The following ULK4 variants were observed in gnomAD, a reference collection of about 807,000 sequenced individuals.
ULK4 encodes unc-51 like kinase 4.
In ULK4, 133 loss-of-function variants were observed where a neutral mutation model predicts 160.6. The observed-to-expected ratio is 0.83, with a 90% CI of 0.72 to 0.96. ULK4 has a LOEUF of 0.96. ULK4 is among the 40% of genes least tolerant of loss of function. ULK4 has a pLI of 0.00. For synonymous variants in ULK4, 534 were observed against 539.8 expected (o/e 0.99, Z 0.15); for missense variants, 1,580 against 1,499.5 (o/e 1.05, Z -0.89).
At chr3:41,529,246 C>T (rs1035397798) in intron 32 of ULK4, among the ~76,000 whole-genome samples, 20 of 152,222 alleles carry the variant, frequency 1.3e-4, no homozygotes, top group African/African-American at 4.3e-4. Flanking sequence ...TTCCATGATT[C>T]ATTAAAACGA....
chr3:41,834,383 T>G (rs1284848896), intron 18 of ULK4, among the ~76,000 whole-genome samples: 1 of 152,140 alleles, frequency 6.6e-6, no homozygotes, highest in Non-Finnish European at 1.5e-5. Flanking sequence ...TTCAGTACAA[T>G]TCCAAATGTG....
intron 35 of ULK4, among the ~76,000 whole-genome samples, chr3:41,379,101 T>C (rs7613734): frequency 0.015 from 2,247 of 151,994 alleles, 49 homozygotes; most frequent in African/African-American, 0.051. Context: ...AAACACCTAA[T>C]GTAGATGACG....
chr3:41,774,832 A>C (rs569511593), intron 21 of ULK4, among the ~76,000 whole-genome samples: 2 of 150,690 alleles, frequency 1.3e-5, no homozygotes, highest in South Asian at 2.1e-4. Flanking sequence ...CCAAATGTCC[A>C]ACAATGATAG....
At position 41,548,388 on chromosome 3, in the gene ULK4, C is replaced by T. The variant is rs112654625; in HGVS notation, c.3226+17637G>A. On this transcript the variant is annotated intron_variant, in intron 32 of 36. Coordinates refer to ENST00000301831, the MANE Select transcript of ULK4 (RefSeq NM_017886.4). ...GGGGCCTGGTGACTGGCCCACTCCA[C>T]CTATCACCCTGAGCAAGCACATACA... is the stretch of plus-strand genomic sequence containing the variant. Among the ~76,000 whole-genome samples, 1,485 of 152,086 alleles carry T rather than the reference C, an allele frequency of 9.8e-3. 31 individuals carry two copies. Among genetic ancestry groups the T allele is most frequent in the African/African-American group, 0.033 (1,373 of 41,458 alleles).
chr3:41,820,797 AAAAG>A (rs1017071880), intron 18 of ULK4, among the ~76,000 whole-genome samples: 21 of 152,210 alleles, frequency 1.4e-4, no homozygotes, highest in Non-Finnish European at 2.6e-4. Context: ...AAATTTTAAA[AAAAG>A]AATTAGTACA....
intron 35 of ULK4, among the ~76,000 whole-genome samples, chr3:41,367,154 C>T (rs2081269486): frequency 6.6e-6 from 1 of 152,092 alleles, no homozygotes; most frequent in Non-Finnish European, 1.5e-5. Context: ...TTTTGGCTAC[C>T]GACTTCCTCA....
At chr3:41,780,153 A>C (rs1009584476) in intron 21 of ULK4, among the ~76,000 whole-genome samples, 1 of 151,540 alleles carries the variant, frequency 6.6e-6, no homozygotes, top group African/African-American at 2.4e-5. Flanking sequence ...CTCTACCGAA[A>C]ATACAAAAAA....
chr3:41,615,771 C>A, intron 30 of ULK4, 54 bp from the exon 31 acceptor site: 1 of 1,516,906 alleles, frequency 6.6e-7, no homozygotes, highest in Non-Finnish European at 9.1e-7. Flanking sequence ...CATATTTGCA[C>A]TGATGGCCTG....
chr3:41,364,189 T>C (rs2081205550), intron 35 of ULK4, among the ~76,000 whole-genome samples: 1 of 152,222 alleles, frequency 6.6e-6, no homozygotes, highest in African/African-American at 2.4e-5. Context: ...CTTCCTATCT[T>C]GGCCTCCCAA....
intron 29 of ULK4, among the ~76,000 whole-genome samples, chr3:41,675,312 G>A (rs1221862784): frequency 2.0e-5 from 3 of 152,036 alleles, no homozygotes; most frequent in Admixed American, 6.6e-5. Flanking sequence ...GGGTTAGGCT[G>A]GGAGTGGTGG....
chr3:41,256,150 T>G (rs1174255070), intron 35 of ULK4, among the ~76,000 whole-genome samples: 3 of 152,204 alleles, frequency 2.0e-5, no homozygotes, highest in Non-Finnish European at 4.4e-5. Flanking sequence ...GAAATTCCTA[T>G]CAAAATCTCA....
intron 3 of ULK4, among the ~76,000 whole-genome samples, chr3:41,936,579 T>C (rs924922766): frequency 6.6e-6 from 1 of 152,228 alleles, no homozygotes; most frequent in Non-Finnish European, 1.5e-5. Context: ...TGGAGTACTA[T>C]TCAGCCATAA....
intron 2 of ULK4, among the ~76,000 whole-genome samples, chr3:41,947,426 T>C (rs932117796): frequency 6.6e-6 from 1 of 152,122 alleles, no homozygotes; most frequent in Admixed American, 6.6e-5. Flanking sequence ...AAATGCTATA[T>C]GGAGAAGAGG....
At position 41,923,901 on chromosome 3, in the gene ULK4, C is replaced by T. The variant is rs537274777; in HGVS notation, c.542-4083G>A. 3.9e-5 allele frequency among the ~76,000 whole-genome samples: 6 copies of T among 152,294 alleles called. No homozygotes were observed. In the East Asian group the frequency reaches 9.6e-4, roughly 24 times the overall value. ...ATAACCCCCATTAATCCCTCTTACA[C>T]TAGGCCACATTATTGATTTATATAA... On this transcript the variant is annotated intron_variant, in intron 5 of 36. Transcript: ENST00000301831.
At chr3:41,816,127 CATATT>C (rs1007351883) in intron 19 of ULK4, among the ~76,000 whole-genome samples, 4 of 151,782 alleles carry the variant, frequency 2.6e-5, no homozygotes, top group African/African-American at 9.7e-5. Flanking sequence ...CTTATATATA[CATATT>C]ATATATTATA....
At chr3:41,333,321 G>A (rs2080485724) in intron 35 of ULK4, among the ~76,000 whole-genome samples, 1 of 152,196 alleles carries the variant, frequency 6.6e-6, no homozygotes, top group African/African-American at 2.4e-5. Context: ...CTGGTGCTTG[G>A]CAGTCACTGC....
intron 32 of ULK4, among the ~76,000 whole-genome samples, chr3:41,469,116 C>T (rs1023367128): frequency 1.3e-5 from 2 of 152,148 alleles, no homozygotes; most frequent in African/African-American, 2.4e-5. Context: ...GCCTCACATC[C>T]AGGGAGCAAG....
In ULK4 at chr3:41,643,044, T is replaced by C. The variant is rs2034302118; in HGVS notation, c.3071+20563A>G. Among the ~76,000 whole-genome samples, 3 of 152,322 alleles carry C rather than the reference T, an allele frequency of 2.0e-5. No individual in the cohort carries two copies. In the South Asian group the frequency reaches 6.2e-4, roughly 32 times the overall value. On this transcript the variant is annotated intron_variant, in intron 30 of 36. Coordinates refer to ENST00000301831, the MANE Select transcript of ULK4 (RefSeq NM_017886.4). ...CCCAGTTTTTGATGGGGTTGTTTGT[T>C]TTTTTCTTGTACATTTCTTTGAGTT... is the stretch of plus-strand genomic sequence containing the variant.
intron 22 of ULK4, among the ~76,000 whole-genome samples, chr3:41,735,328 A>G (rs2037990470): frequency 6.6e-6 from 1 of 152,142 alleles, no homozygotes; most frequent in South Asian, 2.1e-4. Context: ...GCCCATTTAT[A>G]TTGTGTAAAG....
Sources: allele counts gnomAD v4.1 joint callset (sites outside exome capture counted in the v4.1 genomes callset), GRCh38; gene constraint gnomAD v4.1.1; transcripts MANE v1.5; gene names NCBI Gene and HGNC (gene_info 2026-07-23, HGNC 2026-07-21).